GLG1: variants seen among roughly 807,000 people sequenced by gnomAD.
The protein encoded by GLG1 is golgi glycoprotein 1.
Under a neutral mutation model 160.5 loss-of-function variants are expected in GLG1, and 38 were observed. The ratio of observed to expected loss-of-function variants is 0.24; its 90% CI spans 0.18 to 0.31. The LOEUF (loss-of-function observed/expected upper bound fraction) is 0.31, where lower values mean the gene tolerates loss of function less well. Among genes scored for constraint, GLG1 ranks in the 10% least tolerant of loss-of-function variants. The pLI is 1.00. For synonymous variants in GLG1, 644 were observed against 543.4 expected (o/e 1.19, Z -2.57); for missense variants, 1,373 against 1,505.2 (o/e 0.91, Z 1.45).
chr16:74,464,652 G>A (rs1222208965), intron 19 of GLG1, among the ~76,000 whole-genome samples: 1 of 152,120 alleles, frequency 6.6e-6, no homozygotes. Flanking sequence ...ATTTTCCAAA[G>A]CTCTCTCACA....
intron 1 of GLG1, among the ~76,000 whole-genome samples, chr16:74,587,747 T>G (rs1002866245): frequency 1.3e-5 from 2 of 152,078 alleles, no homozygotes; most frequent in Non-Finnish European, 2.9e-5. Context: ...GTGCCTGTAG[T>G]CCGGAGGCTG....
chr16:74,523,342 GC>G (rs1470543024), intron 2 of GLG1, among the ~76,000 whole-genome samples: 1 of 152,112 alleles, frequency 6.6e-6, no homozygotes, highest in Non-Finnish European at 1.5e-5. Context: ...CTACCACACT[GC>G]CTTAATTACC....
At chr16:74,604,495 CT>C (rs1958518874) in intron 1 of GLG1, among the ~76,000 whole-genome samples, 1 of 152,234 alleles carries the variant, frequency 6.6e-6, no homozygotes, top group Non-Finnish European at 1.5e-5. Flanking sequence ...TATGCTCTGC[CT>C]TTTCATAATT....
intron 1 of GLG1, among the ~76,000 whole-genome samples, chr16:74,588,763 T>C (rs958108816): frequency 6.6e-6 from 1 of 152,104 alleles, no homozygotes; most frequent in East Asian, 1.9e-4. Flanking sequence ...ATCTATCTGA[T>C]TCGTGGTTTT....
chr16:74,499,448 T>C (rs529312946), intron 4 of GLG1, among the ~76,000 whole-genome samples: 7 of 152,178 alleles, frequency 4.6e-5, no homozygotes, highest in Non-Finnish European at 1.0e-4. Flanking sequence ...TATGTTTATA[T>C]GTACTTATAT....
At position 74,606,610 on chromosome 16, in the gene GLG1, G is replaced by C. The variant is rs112012349; in HGVS notation, c.438+47C>G. ...GGCTTCCAAGGCCGGCAACACCCTCGGGCCCGCACCAGGCCTGGCCCTCCC... is the reference window on the plus strand; with the variant it reads ...GGCTTCCAAGGCCGGCAACACCCTCCGGCCCGCACCAGGCCTGGCCCTCCC... On this transcript the variant is annotated intron_variant, in intron 1 of 25. Coordinates refer to ENST00000422840, the MANE Select transcript of GLG1 (RefSeq NM_001145667.2). The C allele has an allele frequency of 1.8e-4, 269 of 1,486,440 alleles. 2 individuals carry two copies. In the African/African-American group the frequency reaches 2.9e-3, roughly 16 times the overall value. The allele number at this position is 1,486,440 out of a possible 1,614,324, so 92.1% of individuals were successfully genotyped here. A position where few individuals can be genotyped will look rare whatever the true frequency, so the allele number is the denominator to read the frequency against.
At chr16:74,508,404 A>G (rs532396789) in intron 3 of GLG1, among the ~76,000 whole-genome samples, 1 of 152,228 alleles carries the variant, frequency 6.6e-6, no homozygotes, top group Non-Finnish European at 1.5e-5. Flanking sequence ...GCCAAGATAA[A>G]TAATTTTTAA....
At chr16:74,521,651 G>C (rs958889532) in intron 2 of GLG1, among the ~76,000 whole-genome samples, 1 of 152,142 alleles carries the variant, frequency 6.6e-6, no homozygotes, top group African/African-American at 2.4e-5. Context: ...ATGACTATTA[G>C]ACAAAGTAGA....
intron 2 of GLG1, among the ~76,000 whole-genome samples, chr16:74,531,276 A>T (rs1272072564): frequency 6.6e-6 from 1 of 152,100 alleles, no homozygotes; most frequent in African/African-American, 2.4e-5. Context: ...CTTTTGCCAC[A>T]TATAGATGCC....
intron 2 of GLG1, among the ~76,000 whole-genome samples, chr16:74,521,734 T>C (rs770918771): frequency 6.6e-6 from 1 of 152,108 alleles, no homozygotes; most frequent in African/African-American, 2.4e-5. Flanking sequence ...TAACAACAAA[T>C]TGCCAGGAGG....
intron 20 of GLG1, chr16:74,462,858 G>A (rs528072366): frequency 2.7e-5 from 15 of 555,368 alleles, no homozygotes; most frequent in Non-Finnish European, 4.5e-5. Context: ...TACTCTGCGG[G>A]GTTTTGTGCA....
chr16:74,540,874 T>C (rs2017843526), intron 1 of GLG1, among the ~76,000 whole-genome samples: 1 of 152,214 alleles, frequency 6.6e-6, no homozygotes, highest in Non-Finnish European at 1.5e-5. Flanking sequence ...GGCCTTGTTT[T>C]CACTGCTCAG....
intron 17 of GLG1, 51 bp downstream of exon 17, chr16:74,468,895 C>T: frequency 1.7e-6 from 2 of 1,158,688 alleles, no homozygotes; most frequent in Non-Finnish European, 2.6e-6. Context: ...CCCCAGCTTT[C>T]CAAGCCCTGG....
At position 74,522,946 on chromosome 16, in the gene GLG1, A is replaced by T. The variant is rs574225253; in HGVS notation, c.471+9175T>A. Among the ~76,000 whole-genome samples the T allele has an allele frequency of 1.6e-4, 24 of 152,358 alleles. 1 individual carries two copies. The South Asian group carries it at 5.0e-3, about 32-fold the overall frequency. On this transcript the variant is annotated intron_variant, in intron 2 of 25. Transcript: ENST00000422840. The stretch of plus-strand genomic sequence containing the variant: ...CAGTCCTCTCACTCTGGCCTCCCAA[A>T]GTGCTGGGATTACAGGCCAGAGCCA...
intron 2 of GLG1, among the ~76,000 whole-genome samples, chr16:74,531,534 C>G (rs111586717): frequency 3.2e-4 from 49 of 151,674 alleles, no homozygotes; most frequent in African/African-American, 1.1e-3. Flanking sequence ...TCCATGTTGG[C>G]TGGGCTGGTC....
chr16:74,605,546 G>A (rs1365300677), intron 1 of GLG1, among the ~76,000 whole-genome samples: 1 of 152,140 alleles, frequency 6.6e-6, no homozygotes, highest in Admixed American at 6.6e-5. Context: ...AGTCAGGTAA[G>A]GCCTCACATT....
intron 3 of GLG1, among the ~76,000 whole-genome samples, chr16:74,505,720 C>T (rs1202132450): frequency 2.0e-5 from 3 of 152,056 alleles, no homozygotes; most frequent in African/African-American, 4.8e-5. Flanking sequence ...CCAGGTGTGG[C>T]GGCGTGCGCC....
rs142058292 is a variant in GLG1 at position 74,565,942 on chromosome 16, T to C, written c.439-33789A>G. Among the ~76,000 whole-genome samples, 221 of 152,306 alleles carry C rather than the reference T, an allele frequency of 1.5e-3. 1 individual carries two copies. The South Asian group carries it at 0.016, about 11-fold the overall frequency. ...CATCCAGGATTTAGTCACCATGCCT[T>C]CTTAGGCTCCTTGTTCTGATGATCT... On this transcript the variant is annotated intron_variant, in intron 1 of 25. Transcript: ENST00000422840.
Position 74,450,260 on chromosome 16 carries a change from A to G in GLG1, c.*2907T>C, listed in dbSNP as rs1254809488. 1.3e-5 allele frequency: 2 copies of G among 152,248 alleles called. No individual in the cohort carries two copies. Among genetic ancestry groups the G allele is most frequent in the Admixed American group, 6.5e-5 (1 of 15,276 alleles). 9.4% of individuals were successfully genotyped at this position (152,248 alleles called of 1,614,324 possible). A position where few individuals can be genotyped will look rare whatever the true frequency, so the allele number is the denominator to read the frequency against. ...GTCCATCATCCACTCACATCCACAG[A>G]AGGGTCATTGTTTCTTTTCTTGACC... On this transcript the variant is annotated 3_prime_UTR_variant, in exon 26 of 26. Coordinates refer to ENST00000422840, the MANE Select transcript of GLG1 (RefSeq NM_001145667.2).
Sources: gnomAD v4.1 joint callset for allele counts (sites outside exome capture counted in the v4.1 genomes callset) on GRCh38, gnomAD v4.1.1 for gene constraint, MANE v1.5 for transcripts, NCBI Gene and HGNC (gene_info 2026-07-23, HGNC 2026-07-21) for gene names.